DISC1: variants seen among roughly 807,000 people sequenced by gnomAD.
DISC1 encodes the protein disrupted in schizophrenia 1 protein.
DISC1 carries 57 observed loss-of-function variants against 84.5 expected under a neutral mutation model. That is an observed-to-expected ratio of 0.67 (90% CI 0.55 to 0.84). The LOEUF (loss-of-function observed/expected upper bound fraction) is 0.84, where lower values mean the gene tolerates loss of function less well. Ranked by LOEUF, DISC1 falls within the 40% of genes least tolerant of loss-of-function variation. The pLI, the probability that DISC1 is intolerant of heterozygous loss-of-function variation, is 0.00. For synonymous variants in DISC1, 411 were observed against 415.2 expected (o/e 0.99, Z 0.12); for missense variants, 1,000 against 1,057.8 (o/e 0.95, Z 0.76).
chr1:232,010,074 A>AAATC (rs1171213742), intron 11 of DISC1, among the ~76,000 whole-genome samples: 4 of 152,192 alleles, frequency 2.6e-5, no homozygotes, highest in African/African-American at 9.7e-5. Context: ...ACTGCTTAGA[A>AAATC]AATCGATCCT....
chr1:231,935,374 G>A (rs966537597), intron 9 of DISC1, among the ~76,000 whole-genome samples: 53 of 152,290 alleles, frequency 3.5e-4, no homozygotes, highest in African/African-American at 1.2e-3. Context: ...AATTTTATTA[G>A]AGTGCTTCTC....
intron 10 of DISC1, among the ~76,000 whole-genome samples, chr1:231,990,459 G>C (rs905101938): frequency 6.6e-6 from 1 of 152,070 alleles, no homozygotes; most frequent in Non-Finnish European, 1.5e-5. Flanking sequence ...GTAGGAGATC[G>C]GGGGTGATAG....
At chr1:231,665,115 A>C (rs192183765) in intron 1 of DISC1, among the ~76,000 whole-genome samples, 331 of 152,352 alleles carry the variant, frequency 2.2e-3, no homozygotes, top group African/African-American at 7.6e-3. Flanking sequence ...TCATAATTGC[A>C]TACAATTAAC....
At chr1:231,787,743 G>A (rs2078003194) in intron 6 of DISC1, among the ~76,000 whole-genome samples, 1 of 152,150 alleles carries the variant, frequency 6.6e-6, no homozygotes, top group South Asian at 2.1e-4. Flanking sequence ...TCTGATCTTG[G>A]CAGCATGTTG....
intron 3 of DISC1, among the ~76,000 whole-genome samples, chr1:231,712,185 T>C (rs2067960244): frequency 6.6e-6 from 1 of 152,230 alleles, no homozygotes; most frequent in African/African-American, 2.4e-5. Flanking sequence ...TGGGAGGGAA[T>C]ACAGTCTGTC....
intron 1 of DISC1, among the ~76,000 whole-genome samples, chr1:231,688,919 C>A (rs988578985): frequency 4.6e-5 from 7 of 152,222 alleles, no homozygotes; most frequent in Admixed American, 2.0e-4. Context: ...CCTGAAGGCA[C>A]TTCAGAAGAC....
chr1:231,775,453 G>T (rs1432108482), intron 6 of DISC1, among the ~76,000 whole-genome samples: 4 of 152,198 alleles, frequency 2.6e-5, no homozygotes, highest in Non-Finnish European at 5.9e-5. Context: ...TTCGGTTTGG[G>T]TGTGATAACA....
In DISC1 at chr1:231,762,281, T is replaced by C. The variant is rs200454401; in HGVS notation, c.1269-4859T>C. ...TATTTTCTTTCCTTTCCTTTCCTTT[T>C]CTTTTCTTTTCCCTTCCCTTGCCTG... On this transcript the variant is annotated intron_variant, in intron 4 of 12. Coordinates refer to ENST00000439617, the MANE Select transcript of DISC1 (RefSeq NM_018662.3). Among the ~76,000 whole-genome samples, 406 of 126,970 alleles carry C rather than the reference T, an allele frequency of 3.2e-3. 2 individuals carry two copies. Among genetic ancestry groups the C allele is most frequent in the African/African-American group, 9.0e-3 (298 of 32,966 alleles). 83.3% of individuals were successfully genotyped at this position (126,970 alleles called of 152,430 possible).
chr1:231,751,402 T>G (rs1426470513), intron 4 of DISC1, among the ~76,000 whole-genome samples: 1 of 152,230 alleles, frequency 6.6e-6, no homozygotes, highest in Non-Finnish European at 1.5e-5. Flanking sequence ...GCTTTAGAAG[T>G]TACTCATTTA....
At chr1:232,011,678 C>G (rs955010700) in intron 11 of DISC1, among the ~76,000 whole-genome samples, 1 of 152,018 alleles carries the variant, frequency 6.6e-6, no homozygotes, top group African/African-American at 2.4e-5. Flanking sequence ...TATTCTCTCT[C>G]TTGATTGTGG....
At chr1:231,978,530 T>A (rs1663143099) in intron 10 of DISC1, among the ~76,000 whole-genome samples, 1 of 152,216 alleles carries the variant, frequency 6.6e-6, no homozygotes, top group African/African-American at 2.4e-5. Context: ...GAATAGTAAC[T>A]GGTTTTCTAG....
chr1:231,909,826 G>A (rs936771901), intron 9 of DISC1, among the ~76,000 whole-genome samples: 81 of 152,180 alleles, frequency 5.3e-4, no homozygotes, highest in African/African-American at 1.8e-3. Flanking sequence ...TTGATTGGTA[G>A]GCTATTAATT....
intron 7 of DISC1, among the ~76,000 whole-genome samples, chr1:231,797,434 A>G (rs942562008): frequency 6.6e-6 from 1 of 152,224 alleles, no homozygotes; most frequent in Non-Finnish European, 1.5e-5. Context: ...ATCACTTTGA[A>G]GCCTGGAAGT....
At chr1:231,984,241 A>T (rs1558807110) in intron 10 of DISC1, among the ~76,000 whole-genome samples, 1 of 152,256 alleles carries the variant, frequency 6.6e-6, no homozygotes, top group Non-Finnish European at 1.5e-5. Context: ...GTTACTTTTA[A>T]AGTAAAGTAC....
At chr1:231,959,800 A>G (rs996834127) in intron 10 of DISC1, among the ~76,000 whole-genome samples, 1 of 152,132 alleles carries the variant, frequency 6.6e-6, no homozygotes, top group African/African-American at 2.4e-5. Flanking sequence ...AATCTATGAC[A>G]CAGGTGGTTA....
At chr1:231,852,698 T>A (rs1274781218) in intron 9 of DISC1, among the ~76,000 whole-genome samples, 4 of 152,222 alleles carry the variant, frequency 2.6e-5, no homozygotes, top group Non-Finnish European at 2.9e-5. Context: ...TAAACTGGCA[T>A]TGTTATCAAG....
rs1670603432 is a variant in DISC1 at position 232,037,655 on chromosome 1, CAGTA to C, written c.*827_*830del. The C allele has an allele frequency of 6.6e-6, 1 of 152,244 alleles. No homozygotes were observed. The highest frequency in any genetic ancestry group is 6.5e-5 in the Admixed American group (1 of 15,282). 9.4% of individuals were successfully genotyped at this position (152,244 alleles called of 1,614,324 possible). A position where few individuals can be genotyped will look rare whatever the true frequency, so the allele number is the denominator to read the frequency against. On this transcript the variant is annotated 3_prime_UTR_variant, in exon 13 of 13. Coordinates refer to ENST00000439617, the MANE Select transcript of DISC1 (RefSeq NM_018662.3). ...GCATTTAGGAAAGCAGTGCAGTACT[CAGTA>C]AGGCAGTGCAGTACTCAGTAACACA...
intron 1 of DISC1, among the ~76,000 whole-genome samples, chr1:231,692,241 T>C (rs2065128803): frequency 6.6e-6 from 1 of 152,208 alleles, no homozygotes; most frequent in Non-Finnish European, 1.5e-5. Context: ...CTCTGACTTC[T>C]TCCACCACCA....
chr1:232,033,044 C>G (rs1441452770), intron 12 of DISC1, among the ~76,000 whole-genome samples: 2 of 152,030 alleles, frequency 1.3e-5, no homozygotes, highest in African/African-American at 4.8e-5. Flanking sequence ...GAATGCCAGA[C>G]TTATATCTGT....
Sources: gnomAD v4.1 joint callset for allele counts (sites outside exome capture counted in the v4.1 genomes callset) on GRCh38, gnomAD v4.1.1 for gene constraint, MANE v1.5 for transcripts, NCBI Gene and HGNC (gene_info 2026-07-23, HGNC 2026-07-21) for gene names.